PRKACA: variants seen among roughly 807,000 people sequenced by gnomAD.
PRKACA encodes the protein protein kinase cAMP-activated catalytic subunit alpha.
Under a neutral mutation model 45.8 loss-of-function variants are expected in PRKACA, and 9 were observed. That is an observed-to-expected ratio of 0.20 (90% confidence interval 0.12 to 0.34). PRKACA has a LOEUF of 0.34. PRKACA is among the 10% of genes least tolerant of loss of function. The pLI is 1.00. For synonymous variants in PRKACA, 160 were observed against 178.6 expected (o/e 0.90, Z 0.83); for missense variants, 238 against 458.6 (o/e 0.52, Z 4.39).
At chr19:14,117,102 T>G (rs1472747868) in intron 1 of PRKACA, among the ~76,000 whole-genome samples, 1 of 145,836 alleles carries the variant, frequency 6.9e-6, no homozygotes, top group Non-Finnish European at 1.5e-5. Flanking sequence ...CCCAAACTGG[T>G]AGAAACCTGG....
At position 14,100,928 on chromosome 19, in the gene PRKACA, G is replaced by T. The variant is rs1977424156; in HGVS notation, c.337-20C>A. The T allele has an allele frequency of 6.2e-7, 1 of 1,610,020 alleles. No homozygotes were observed. Among genetic ancestry groups the T allele is most frequent in the South Asian group, 1.1e-5 (1 of 91,012 alleles). On this transcript the variant is annotated intron_variant, in intron 4 of 9. Transcript: ENST00000308677. ...GTTGTCCTGTGGGAAGCAGTGGCTG[G>T]TCAAGGGCCCACCCCTGAGACTTGG...
intron 1 of PRKACA, chr19:14,107,885 C>T (rs1347271056): frequency 2.0e-6 from 2 of 990,176 alleles, no homozygotes; most frequent in Non-Finnish European, 2.4e-6. Context: ...TGGCCCTGTT[C>T]CTCTCCGTGG....
At chr19:14,112,180 G>A (rs1421577500) in intron 1 of PRKACA, 2 of 152,622 alleles carry the variant, frequency 1.3e-5, no homozygotes, top group African/African-American at 2.4e-5. Context: ...GGCAGAGAGA[G>A]GGATGATGGG....
Position 14,092,382 on chromosome 19 carries a change from G to C in PRKACA, c.*730C>G. On this transcript the variant is annotated 3_prime_UTR_variant, in exon 10 of 10. Coordinates refer to ENST00000308677, the MANE Select transcript of PRKACA (RefSeq NM_002730.4). ...CCTAGACCCTCGCAGGATTGGCAGA[G>C]AGGATTCCCCGGGGAGGGGCCCAGG... The C allele has an allele frequency of 2.7e-6, 1 of 370,134 alleles. No individual in the cohort carries two copies. The highest frequency in any genetic ancestry group is 4.8e-6 in the Non-Finnish European group (1 of 207,916). 22.9% of individuals were successfully genotyped at this position (370,134 alleles called of 1,614,324 possible).
Position 14,097,319 on chromosome 19 carries a change from G to T in PRKACA, c.765+42C>A. On this transcript the variant is annotated intron_variant, in intron 8 of 9. Transcript: ENST00000308677. The surrounding 1 kb of genome is among the most constrained non-coding windows in gnomAD (Gnocchi z 5.4). ...GAATAGGATGGGTGAGCAGGGAACG[G>T]TCTGTTTCTTCCAGGGCTGTGTCCC... 6.2e-7 allele frequency: 1 copy of T among 1,613,270 alleles called. No homozygotes were observed. The highest frequency in any genetic ancestry group is 8.5e-7 in the Non-Finnish European group (1 of 1,179,436).
rs1278170585 is a variant in PRKACA at position 14,097,014 on chromosome 19, A to G, written c.765+347T>C. 1 of 361,630 alleles carries G rather than the reference A, an allele frequency of 2.8e-6. No homozygotes were observed. Among genetic ancestry groups the G allele is most frequent in the Non-Finnish European group, 5.4e-6 (1 of 186,010 alleles). 22.4% of individuals were successfully genotyped at this position (361,630 alleles called of 1,614,324 possible). A position where few individuals can be genotyped will look rare whatever the true frequency, so the allele number is the denominator to read the frequency against. Reference sequence around the variant, plus strand: ...GCACCTGGGAACAGGAACCAAATACATTCGTTTTTCTGCCTTGGAATTTGC... The same window carrying G: ...GCACCTGGGAACAGGAACCAAATACGTTCGTTTTTCTGCCTTGGAATTTGC... On this transcript the variant is annotated intron_variant, in intron 8 of 9. Coordinates refer to ENST00000308677, the MANE Select transcript of PRKACA (RefSeq NM_002730.4). This position sits in a 1 kb window ranked among gnomAD's most constrained non-coding sequence, Gnocchi z 5.4.
At chr19:14,117,362 T>G (rs1967130634) in intron 1 of PRKACA, 140 bp downstream of exon 1, 1 of 1,039,204 alleles carries the variant, frequency 9.6e-7, no homozygotes, top group Non-Finnish European at 1.2e-6. Flanking sequence ...GGCCCCAGCC[T>G]TGGACAGGCC....
chr19:14,114,118 C>CA, intron 1 of PRKACA: 1 of 1,609,524 alleles, frequency 6.2e-7, no homozygotes, highest in Non-Finnish European at 8.5e-7. Context: ...GCTATAGTAA[C>CA]AGGACTCAGC....
chr19:14,115,230 C>T, intron 1 of PRKACA: 1 of 512,974 alleles, frequency 1.9e-6, no homozygotes, highest in Non-Finnish European at 2.5e-6. Flanking sequence ...TAATGCGTAT[C>T]AGAGAAAATA....
At chr19:14,110,507 G>A (rs1966936347) in intron 1 of PRKACA, among the ~76,000 whole-genome samples, 1 of 151,876 alleles carries the variant, frequency 6.6e-6, no homozygotes. Flanking sequence ...GGGACATAGA[G>A]CCTGCAGTGA....
At chr19:14,108,261 TCA>T in intron 1 of PRKACA, 2 of 561,088 alleles carry the variant, frequency 3.6e-6, no homozygotes, top group Non-Finnish European at 4.5e-6. Flanking sequence ...TCTCTAGGCC[TCA>T]GTTTTCCTCA....
chr19:14,098,343 C>A (rs892720204), intron 5 of PRKACA: 1 of 168,812 alleles, frequency 5.9e-6, no homozygotes, highest in African/African-American at 2.4e-5. Context: ...TGCGGTGGCT[C>A]ACCCCTGTAA....
At chr19:14,117,319 G>A (rs937533256) in intron 1 of PRKACA, among the ~76,000 whole-genome samples, 183 bp downstream of exon 1, 8 of 151,586 alleles carry the variant, frequency 5.3e-5, no homozygotes, top group Non-Finnish European at 1.0e-4. Context: ...TAGGGGAAGG[G>A]GACCCCTACA....
At chr19:14,107,022 G>T in intron 2 of PRKACA, 134 bp from the exon 3 acceptor site, 1 of 1,200,208 alleles carries the variant, frequency 8.3e-7, no homozygotes. Flanking sequence ...TGAGGACAGG[G>T]GGCGGAAAAT....
At position 14,096,002 on chromosome 19, in the gene PRKACA, G is replaced by C. The variant is rs536905599; in HGVS notation, c.765+1359C>G. On this transcript the variant is annotated intron_variant, in intron 8 of 9. Coordinates refer to ENST00000308677, the MANE Select transcript of PRKACA (RefSeq NM_002730.4). Reference sequence around the variant, plus strand: ...CCCTCCCGATGAGCTGGGAACACAGGGGTGCACCATCACGCCCAGCTAATT... The same window carrying C: ...CCCTCCCGATGAGCTGGGAACACAGCGGTGCACCATCACGCCCAGCTAATT... 2.0e-5 allele frequency among the ~76,000 whole-genome samples: 3 copies of C among 151,574 alleles called. 1 individual carries two copies. The South Asian group carries it at 6.3e-4, about 32-fold the overall frequency.
At chr19:14,117,443 G>A in intron 1 of PRKACA, 59 bp downstream of exon 1, 3 of 1,253,600 alleles carry the variant, frequency 2.4e-6, no homozygotes, top group African/African-American at 3.1e-5. Context: ...AGGCGATGAT[G>A]GACAAGGCCA....
chr19:14,095,794 G>A (rs950035555), intron 8 of PRKACA, among the ~76,000 whole-genome samples: 6 of 152,118 alleles, frequency 3.9e-5, no homozygotes, highest in Non-Finnish European at 4.4e-5. Flanking sequence ...GGGATTATAG[G>A]TGTGAGCCAC....
Position 14,092,909 on chromosome 19 carries a change from G to C in PRKACA, c.*203C>G. The C allele has an allele frequency of 1.7e-6, 1 of 603,592 alleles. No individual in the cohort carries two copies. The highest frequency in any genetic ancestry group is 2.8e-5 in the South Asian group (1 of 36,248). The allele number at this position is 603,592 out of a possible 1,614,324, so 37.4% of individuals were successfully genotyped here. The stretch of plus-strand genomic sequence containing the variant: ...GTGGGAGAGGGGGCAGGAGGGTGAA[G>C]GGGATGAGGGGGAGCAGCTGGTGTT... On this transcript the variant is annotated 3_prime_UTR_variant, in exon 10 of 10. Coordinates refer to ENST00000308677, the MANE Select transcript of PRKACA (RefSeq NM_002730.4).
rs1037313629 is a variant in PRKACA, at chr19:14,093,487, T to C, written c.930+141A>G. The C allele has an allele frequency of 3.3e-6, 4 of 1,203,132 alleles. No homozygotes were observed. In the Admixed American group the frequency reaches 7.5e-5, roughly 23 times the overall value. The allele number at this position is 1,203,132 out of a possible 1,614,324, so 74.5% of individuals were successfully genotyped here. On this transcript the variant is annotated intron_variant, in intron 9 of 9. Transcript: ENST00000308677. ...ATGGCCAAATGACCCCAGAATCCCA[T>C]TTCTAGACCCCACTGCTCTAAGCTC... is the stretch of plus-strand genomic sequence containing the variant.
Sources: allele counts gnomAD v4.1 joint callset (sites outside exome capture counted in the v4.1 genomes callset), GRCh38; gene constraint gnomAD v4.1.1; non-coding constraint Gnocchi (gnomAD v3.1); transcripts MANE v1.5; gene names NCBI Gene and HGNC (gene_info 2026-07-23, HGNC 2026-07-21).